The following CADM2 variants were observed in gnomAD, a reference collection of about 807,000 sequenced individuals.
CADM2 encodes immunoglobulin superfamily member 4D.
In CADM2, 12 loss-of-function variants were observed where a neutral mutation model predicts 49.8. That is an observed-to-expected ratio of 0.24 (90% CI 0.15 to 0.39). The LOEUF (loss-of-function observed/expected upper bound fraction) is 0.39, where lower values mean the gene tolerates loss of function less well. Ranked by LOEUF, CADM2 falls within the 10% of genes least tolerant of loss-of-function variation. The pLI, the probability that CADM2 is intolerant of heterozygous loss-of-function variation, is 1.00. For synonymous variants in CADM2, 214 were observed against 175.4 expected (o/e 1.22, Z -1.74); for missense variants, 378 against 492.3 (o/e 0.77, Z 2.20).
chr3:85,944,928 A>G (rs1456240328), intron 7 of CADM2, among the ~76,000 whole-genome samples: 1 of 152,152 alleles, frequency 6.6e-6, no homozygotes, highest in Non-Finnish European at 1.5e-5. Context: ...AACTAAGATC[A>G]GAGCAGAACT....
intron 1 of CADM2, among the ~76,000 whole-genome samples, chr3:85,521,112 TG>T (rs2061017836): frequency 6.6e-6 from 1 of 152,114 alleles, no homozygotes; most frequent in Non-Finnish European, 1.5e-5. Flanking sequence ...AAAGTAAAAA[TG>T]AACGCAATTG....
intron 1 of CADM2, among the ~76,000 whole-genome samples, chr3:85,466,375 A>G (rs1037426785): frequency 1.3e-5 from 2 of 152,206 alleles, no homozygotes; most frequent in African/African-American, 4.8e-5. Context: ...AACATTAAAA[A>G]AGTAGAGAGT....
chr3:86,060,255 A>G (rs1293380913), intron 8 of CADM2, among the ~76,000 whole-genome samples: 1 of 152,084 alleles, frequency 6.6e-6, no homozygotes. Flanking sequence ...AATGGCCTAT[A>G]TATATAATCT....
At chr3:84,998,915 C>T (rs544155289) in intron 1 of CADM2, among the ~76,000 whole-genome samples, 2 of 152,210 alleles carry the variant, frequency 1.3e-5, no homozygotes, top group South Asian at 4.1e-4. Flanking sequence ...ACTCCCATAC[C>T]TATTTGATCT....
chr3:85,964,014 A>G (rs930228777), intron 8 of CADM2, among the ~76,000 whole-genome samples: 1 of 151,880 alleles, frequency 6.6e-6, no homozygotes, highest in Non-Finnish European at 1.5e-5. Context: ...AGGGGCGCCA[A>G]TTGGGTTCAT....
At chr3:85,247,379 G>A (rs2042673490) in intron 1 of CADM2, among the ~76,000 whole-genome samples, 3 of 152,004 alleles carry the variant, frequency 2.0e-5, no homozygotes, top group Admixed American at 1.3e-4. Context: ...TCTATTTTCC[G>A]ATAAAGCAGC....
At chr3:85,805,292 G>T (rs2072339698) in intron 3 of CADM2, among the ~76,000 whole-genome samples, 1 of 152,102 alleles carries the variant, frequency 6.6e-6, no homozygotes, top group Non-Finnish European at 1.5e-5. Flanking sequence ...TAATAGCTTA[G>T]TTAGATTGGA....
intron 1 of CADM2, among the ~76,000 whole-genome samples, chr3:85,666,253 A>G (rs1391824562): frequency 6.6e-6 from 1 of 152,002 alleles, no homozygotes; most frequent in Non-Finnish European, 1.5e-5. Context: ...GACACAAACA[A>G]ATATCAATTG....
chr3:85,293,165 C>G (rs1464184511), intron 1 of CADM2, among the ~76,000 whole-genome samples: 2 of 152,060 alleles, frequency 1.3e-5, no homozygotes, highest in Non-Finnish European at 2.9e-5. Context: ...AACACCTCTA[C>G]GCAAATAAAC....
Position 85,801,269 on chromosome 3 carries a change from A to G in CADM2, c.89-778A>G, listed in dbSNP as rs535248207. Among the ~76,000 whole-genome samples, 10 of 152,294 alleles carry G rather than the reference A, an allele frequency of 6.6e-5. No individual in the cohort carries two copies. In the East Asian group the frequency reaches 1.9e-3, roughly 29 times the overall value. ...ACAAATTAGTAAAATGCTTAAGAAG[A>G]GCAAAACCTTGATTACATACTGATG... On this transcript the variant is annotated intron_variant, in intron 2 of 9. Coordinates refer to ENST00000383699, the MANE Select transcript of CADM2 (RefSeq NM_001167675.2).
At chr3:86,029,883 T>C (rs1469996358) in intron 8 of CADM2, among the ~76,000 whole-genome samples, 1 of 151,934 alleles carries the variant, frequency 6.6e-6, no homozygotes, top group Non-Finnish European at 1.5e-5. Flanking sequence ...CAGTCAAGGA[T>C]AAAATTGTCA....
At chr3:85,596,020 G>C (rs750407841) in intron 1 of CADM2, among the ~76,000 whole-genome samples, 3 of 151,590 alleles carry the variant, frequency 2.0e-5, no homozygotes, top group Non-Finnish European at 4.4e-5. Context: ...CCTAAAGTAA[G>C]TTTTGCTACT....
At chr3:85,870,580 T>C (rs2075889925) in intron 3 of CADM2, among the ~76,000 whole-genome samples, 1 of 152,186 alleles carries the variant, frequency 6.6e-6, no homozygotes, top group African/African-American at 2.4e-5. Flanking sequence ...AAGGACATGA[T>C]CTTCTTTTGT....
intron 3 of CADM2, among the ~76,000 whole-genome samples, chr3:85,831,443 CACAA>C (rs2074182781): frequency 6.6e-6 from 1 of 151,980 alleles, no homozygotes; most frequent in African/African-American, 2.4e-5. Flanking sequence ...TCTACATTCC[CACAA>C]ACAGTTTGTA....
At chr3:85,240,510 G>C (rs1175360483) in intron 1 of CADM2, among the ~76,000 whole-genome samples, 1 of 151,398 alleles carries the variant, frequency 6.6e-6, no homozygotes, top group Non-Finnish European at 1.5e-5. Context: ...TAGGTTAATA[G>C]CTCCTATTTT....
chr3:85,357,029 A>C (rs772136354), intron 1 of CADM2, among the ~76,000 whole-genome samples: 2 of 152,110 alleles, frequency 1.3e-5, no homozygotes, highest in Non-Finnish European at 2.9e-5. Flanking sequence ...AAGAATTTTT[A>C]TTTTTAATTT....
At chr3:85,622,666 A>G (rs2064009573) in intron 1 of CADM2, among the ~76,000 whole-genome samples, 1 of 152,086 alleles carries the variant, frequency 6.6e-6, no homozygotes, top group African/African-American at 2.4e-5. Flanking sequence ...GGACTTTATT[A>G]CTTTTCAATA....
intron 1 of CADM2, among the ~76,000 whole-genome samples, chr3:85,564,598 T>TA (rs1462872518): frequency 4.6e-5 from 7 of 152,146 alleles, no homozygotes; most frequent in African/African-American, 1.7e-4. Flanking sequence ...GTTCTAGGCA[T>TA]AAAATCATGT....
At chr3:85,349,448 T>G (rs2031111069) in intron 1 of CADM2, among the ~76,000 whole-genome samples, 1 of 152,310 alleles carries the variant, frequency 6.6e-6, no homozygotes, top group East Asian at 1.9e-4. Flanking sequence ...TTTCTAAAGC[T>G]AAGTTTTTGT....
Sources: allele counts gnomAD v4.1 joint callset (sites outside exome capture counted in the v4.1 genomes callset), GRCh38; gene constraint gnomAD v4.1.1; transcripts MANE v1.5; gene names NCBI Gene and HGNC (gene_info 2026-07-23, HGNC 2026-07-21).